Variants in CCSER2 observed in about 807,000 individuals in gnomAD.
CCSER2 encodes serine-rich coiled-coil domain-containing protein 2.
A neutral mutation model predicts 92.3 loss-of-function variants in CCSER2; 46 were observed. The ratio of observed to expected loss-of-function variants is 0.50; its 90% CI spans 0.39 to 0.64. The LOEUF is 0.64. Ranked by LOEUF, CCSER2 falls within the 30% of genes least tolerant of loss-of-function variation. CCSER2 has a pLI of 0.00. For missense variants in CCSER2, 1,244 were observed against 1,238.9 expected, an observed-to-expected ratio of 1.00 and a Z score of -0.06; for synonymous variants, 433 against 431.4, an observed-to-expected ratio of 1.00 and a Z score of -0.04.
intron 6 of CCSER2, among the ~76,000 whole-genome samples, chr10:84,440,120 A>G (rs553735689): frequency 6.6e-6 from 1 of 152,346 alleles, no homozygotes; most frequent in African/African-American, 2.4e-5. Flanking sequence ...TTCAGGTAGT[A>G]GTAGGTGAAT....
At chr10:84,469,413 T>G (rs997072028) in intron 7 of CCSER2, among the ~76,000 whole-genome samples, 12 of 152,116 alleles carry the variant, frequency 7.9e-5, no homozygotes, top group Admixed American at 6.5e-5. Context: ...TCCACATTGT[T>G]TGGGATGCTT....
At chr10:84,457,610 A>G (rs1266591826) in intron 6 of CCSER2, among the ~76,000 whole-genome samples, 2 of 87,946 alleles carry the variant, frequency 2.3e-5, no homozygotes, top group Admixed American at 1.9e-4. Context: ...TATATATTAT[A>G]TATAATTATA....
intron 4 of CCSER2, among the ~76,000 whole-genome samples, chr10:84,421,819 G>A (rs1258753507): frequency 1.3e-5 from 2 of 152,126 alleles, no homozygotes; most frequent in Non-Finnish European, 2.9e-5. Context: ...CAAAGACCTA[G>A]GGAAAACCCT....
intron 9 of CCSER2, among the ~76,000 whole-genome samples, chr10:84,498,992 TA>T (rs933267646): frequency 1.3e-5 from 2 of 152,228 alleles, no homozygotes; most frequent in Non-Finnish European, 2.9e-5. Flanking sequence ...TTATTGAAAT[TA>T]AAAAGCATGT....
intron 6 of CCSER2, chr10:84,454,537 C>T (rs1845490978): frequency 6.6e-6 from 1 of 152,108 alleles, no homozygotes; most frequent in Non-Finnish European, 1.5e-5. Context: ...TAAATCCTCT[C>T]ATAGGAAATG....
At chr10:84,482,970 A>G (rs1847543739) in intron 9 of CCSER2, among the ~76,000 whole-genome samples, 1 of 152,224 alleles carries the variant, frequency 6.6e-6, no homozygotes, top group African/African-American at 2.4e-5. Flanking sequence ...AGAAAAGGTG[A>G]TTTTATATAC....
At chr10:84,367,009 T>A (rs1221523711) in intron 1 of CCSER2, among the ~76,000 whole-genome samples, 1 of 152,250 alleles carries the variant, frequency 6.6e-6, no homozygotes, top group South Asian at 2.1e-4. Context: ...AGGATTAAGT[T>A]ATCCCCAGAG....
In CCSER2 at chr10:84,513,922, G is replaced by T. The variant is rs1354193121; in HGVS notation, c.2799G>T (p.Pro933=). The T allele has an allele frequency of 6.5e-7, 1 of 1,536,470 alleles. No homozygotes were observed. The highest frequency in any genetic ancestry group is 1.2e-5 in the South Asian group (1 of 84,060). Residue 933 remains proline, a synonymous_variant, in exon 10 of 10, where the codon CCG becomes CCT. Transcript: ENST00000372088. ...LKPSILSSLV[P]PPVSESSPSR... ...CATCCATATTGAGTTCTTTGGTACC[G>T]CCTCCAGTTTCTGAATCATCTCCAA...
At chr10:84,479,090 T>C (rs911793551) in intron 9 of CCSER2, among the ~76,000 whole-genome samples, 2 of 152,174 alleles carry the variant, frequency 1.3e-5, no homozygotes, top group African/African-American at 4.8e-5. Context: ...GCCATCCTCA[T>C]GGAAGTCTTT....
chr10:84,390,941 A>C lies in CCSER2; in HGVS notation c.1614+17126A>C. Reference sequence around the variant, plus strand: ...GAGGCTTGTACAGCACCTGTTACTCACTTTGCTTATATACTTGATACCCTG... The same window carrying C: ...GAGGCTTGTACAGCACCTGTTACTCCCTTTGCTTATATACTTGATACCCTG... On this transcript the variant is annotated intron_variant, in intron 3 of 9. Transcript: ENST00000372088. 4.0e-6 allele frequency: 3 copies of C among 758,636 alleles called. No homozygotes were observed. The South Asian group carries it at 4.0e-5, about 10-fold the overall frequency. 47.0% of individuals were successfully genotyped at this position (758,636 alleles called of 1,614,324 possible).
intron 1 of CCSER2, among the ~76,000 whole-genome samples, chr10:84,354,461 G>T (rs1845046391): frequency 6.6e-6 from 1 of 151,974 alleles, no homozygotes; most frequent in African/African-American, 2.4e-5. Context: ...TGACACTACT[G>T]CTTGTTATCT....
At chr10:84,497,035 A>C (rs1181581283) in intron 9 of CCSER2, among the ~76,000 whole-genome samples, 1 of 152,190 alleles carries the variant, frequency 6.6e-6, no homozygotes, top group Admixed American at 6.5e-5. Flanking sequence ...AATTGACAAG[A>C]AGCTAAGTAG....
intron 9 of CCSER2, among the ~76,000 whole-genome samples, chr10:84,491,024 G>A (rs112745886): frequency 1.1e-4 from 16 of 152,344 alleles, no homozygotes; most frequent in African/African-American, 3.8e-4. Context: ...CTGTTTGCCT[G>A]GGTATCAGCA....
intron 6 of CCSER2, among the ~76,000 whole-genome samples, chr10:84,441,726 C>G (rs1388423331): frequency 1.7e-5 from 2 of 119,654 alleles, no homozygotes; most frequent in Non-Finnish European, 3.3e-5. Flanking sequence ...AAGTAGAAGA[C>G]TGGGAAAATG....
intron 1 of CCSER2, among the ~76,000 whole-genome samples, chr10:84,350,633 G>A (rs747368281): frequency 8.8e-4 from 134 of 152,148 alleles, no homozygotes; most frequent in Admixed American, 1.7e-3. Context: ...TTCACAGATG[G>A]ACAGCTTAGT....
At chr10:84,474,616 G>A (rs1235880279) in intron 8 of CCSER2, among the ~76,000 whole-genome samples, 2 of 143,850 alleles carry the variant, frequency 1.4e-5, no homozygotes, top group African/African-American at 2.6e-5. Context: ...AGCCAAGATC[G>A]CGTGCCACTG....
intron 1 of CCSER2, among the ~76,000 whole-genome samples, chr10:84,350,642 G>GA (rs1844811296): frequency 6.6e-6 from 1 of 152,188 alleles, no homozygotes; most frequent in Non-Finnish European, 1.5e-5. Flanking sequence ...GGACAGCTTA[G>GA]TGTTTTATGT....
At chr10:84,382,767 T>C (rs965651752) in intron 3 of CCSER2, among the ~76,000 whole-genome samples, 1 of 152,236 alleles carries the variant, frequency 6.6e-6, no homozygotes, top group Admixed American at 6.5e-5. Context: ...TCTGGCTTTA[T>C]TTTTGTTTTA....
intron 9 of CCSER2, among the ~76,000 whole-genome samples, chr10:84,511,443 A>G (rs1849341652): frequency 6.6e-6 from 1 of 152,122 alleles, no homozygotes; most frequent in South Asian, 2.1e-4. Flanking sequence ...TAATTGAAAA[A>G]TCATCTTTTT....
Sources: allele counts gnomAD v4.1 joint callset (sites outside exome capture counted in the v4.1 genomes callset), GRCh38; gene constraint gnomAD v4.1.1; transcripts MANE v1.5; gene names NCBI Gene and HGNC (gene_info 2026-07-23, HGNC 2026-07-21).